TMEM132C: variants seen among roughly 807,000 people sequenced by gnomAD.
TMEM132C encodes the protein transmembrane protein 132C.
Under a neutral mutation model 61.4 loss-of-function variants are expected in TMEM132C, and 29 were observed. The ratio of observed to expected loss-of-function variants is 0.47; its 90% CI spans 0.35 to 0.64. The LOEUF (loss-of-function observed/expected upper bound fraction) is 0.64, where lower values mean the gene tolerates loss of function less well. Among genes scored for constraint, TMEM132C ranks in the 30% least tolerant of loss-of-function variants. The probability of loss-of-function intolerance (pLI) is 0.00; values close to 1 mark genes in which losing one functional copy is unlikely to be tolerated. For missense variants in TMEM132C, 1,408 were observed against 1,476.9 expected (o/e 0.95, Z 0.76); for synonymous variants, 656 against 633.1 (o/e 1.04, Z -0.54).
At chr12:128,704,767 C>T (rs1318130170) in intron 8 of TMEM132C, among the ~76,000 whole-genome samples, 7 of 152,170 alleles carry the variant, frequency 4.6e-5, no homozygotes, top group Admixed American at 4.6e-4. Flanking sequence ...TGAACATGCA[C>T]CGGCTGACTG....
chr12:128,414,974 C>G lies in TMEM132C; in HGVS notation c.328C>G (p.Leu110Val), dbSNP rs368120754. 5.2e-6 allele frequency: 8 copies of G among 1,551,842 alleles called. No homozygotes were observed. Among genetic ancestry groups the G allele is most frequent in the Non-Finnish European group, 7.0e-6 (8 of 1,147,122 alleles). ...GPFSVEKVVP[L>V]DLMLTSNFLG... ...CTTTTCTGTGGAGAAGGTTGTGCCT[C>G]TGGACTTGATGTTGACTTCAAACTT... Residue 110 changes from leucine to valine, a missense_variant, in exon 2 of 9, where the codon CTG (leucine) becomes GTG (valine). By Grantham distance (32) the Leu-to-Val change is conservative. Coordinates refer to ENST00000435159, the MANE Select transcript of TMEM132C (RefSeq NM_001136103.3).
At chr12:128,588,912 A>G (rs1875647993) in intron 3 of TMEM132C, among the ~76,000 whole-genome samples, 1 of 152,176 alleles carries the variant, frequency 6.6e-6, no homozygotes, top group African/African-American at 2.4e-5. Context: ...TAAGAAGAGA[A>G]AGTCAGGGAC....
At chr12:128,461,714 G>C (rs1246635134) in intron 2 of TMEM132C, among the ~76,000 whole-genome samples, 3 of 152,088 alleles carry the variant, frequency 2.0e-5, no homozygotes, top group Non-Finnish European at 4.4e-5. Context: ...GAAATTTTTT[G>C]AGTAATTCAT....
Position 128,406,576 on chromosome 12 carries a change from T to G in TMEM132C, c.86-8156T>G, listed in dbSNP as rs1203169307. On this transcript the variant is annotated intron_variant, in intron 1 of 8. Transcript: ENST00000435159. ...ATTAATAGAAGAGGTGAGGTGGATC[T>G]GGGAACCGAATGGAAATTAATTAGG... 3.9e-5 allele frequency among the ~76,000 whole-genome samples: 6 copies of G among 152,290 alleles called. No individual in the cohort carries two copies. The East Asian group carries it at 9.7e-4, about 25-fold the overall frequency.
intron 1 of TMEM132C, among the ~76,000 whole-genome samples, chr12:128,311,502 A>G (rs1436840987): frequency 3.3e-5 from 5 of 152,108 alleles, no homozygotes; most frequent in African/African-American, 1.2e-4. Flanking sequence ...TCTATTCTCT[A>G]CTTTTGTTGT....
intron 5 of TMEM132C, among the ~76,000 whole-genome samples, chr12:128,686,280 G>A (rs1168592634): frequency 6.6e-6 from 1 of 152,154 alleles, no homozygotes; most frequent in Non-Finnish European, 1.5e-5. Context: ...TACACGTGGT[G>A]GTTACCTTGG....
intron 3 of TMEM132C, among the ~76,000 whole-genome samples, chr12:128,547,806 G>T (rs2136152517): frequency 6.6e-6 from 1 of 152,258 alleles, no homozygotes; most frequent in Non-Finnish European, 1.5e-5. Context: ...GTCCAGAAAG[G>T]TGGTTCTGGA....
At chr12:128,612,573 G>A (rs1238892974) in intron 3 of TMEM132C, among the ~76,000 whole-genome samples, 1 of 152,200 alleles carries the variant, frequency 6.6e-6, no homozygotes, top group East Asian at 1.9e-4. Flanking sequence ...AGGTTCAAAA[G>A]TGTCTGCTCT....
chr12:128,506,224 G>T (rs1391396895), intron 2 of TMEM132C, among the ~76,000 whole-genome samples: 1 of 152,320 alleles, frequency 6.6e-6, no homozygotes, highest in Non-Finnish European at 1.5e-5. Context: ...AAGCAGTGGG[G>T]AATGGCTGGG....
chr12:128,451,415 T>G (rs1015115947), intron 2 of TMEM132C, among the ~76,000 whole-genome samples: 1 of 152,164 alleles, frequency 6.6e-6, no homozygotes, highest in Non-Finnish European at 1.5e-5. Flanking sequence ...AGAAAATTGA[T>G]CCTCTTCATC....
At chr12:128,329,807 C>G (rs990174178) in intron 1 of TMEM132C, among the ~76,000 whole-genome samples, 4 of 152,152 alleles carry the variant, frequency 2.6e-5, no homozygotes, top group Admixed American at 6.5e-5. Flanking sequence ...CTAAACATTA[C>G]TGAGAAGATA....
chr12:128,485,776 T>C (rs555686412), intron 2 of TMEM132C, among the ~76,000 whole-genome samples: 1 of 152,294 alleles, frequency 6.6e-6, no homozygotes, highest in African/African-American at 2.4e-5. Flanking sequence ...GTTAAGCGGA[T>C]TGCTCTTCCC....
intron 4 of TMEM132C, among the ~76,000 whole-genome samples, chr12:128,635,980 G>A (rs758882395): frequency 7.2e-5 from 11 of 152,128 alleles, no homozygotes; most frequent in Non-Finnish European, 1.5e-4. Flanking sequence ...GCCCAATCTC[G>A]GCTTTATTCC....
chr12:128,697,632 C>T (rs995036454), intron 8 of TMEM132C, among the ~76,000 whole-genome samples: 3 of 152,168 alleles, frequency 2.0e-5, no homozygotes, highest in Admixed American at 6.5e-5. Context: ...TCTTGGCTGC[C>T]GTTCTTACCC....
At chr12:128,386,123 A>G (rs1035847243) in intron 1 of TMEM132C, among the ~76,000 whole-genome samples, 6 of 152,178 alleles carry the variant, frequency 3.9e-5, no homozygotes, top group African/African-American at 1.2e-4. Context: ...ATGGGCAGAA[A>G]GTGCCTCCCC....
intron 1 of TMEM132C, among the ~76,000 whole-genome samples, chr12:128,399,040 A>G (rs1033583378): frequency 2.6e-5 from 4 of 152,184 alleles, no homozygotes; most frequent in African/African-American, 7.2e-5. Context: ...TGTTTACTCA[A>G]CCATCAGGAA....
chr12:128,656,259 C>T (rs199681259), intron 4 of TMEM132C, among the ~76,000 whole-genome samples: 1 of 152,148 alleles, frequency 6.6e-6, no homozygotes, highest in Non-Finnish European at 1.5e-5. Context: ...CCATGTTGGC[C>T]AGGCTGGTCT....
At chr12:128,377,711 A>G (rs1274071507) in intron 1 of TMEM132C, among the ~76,000 whole-genome samples, 3 of 152,204 alleles carry the variant, frequency 2.0e-5, no homozygotes, top group Non-Finnish European at 4.4e-5. Flanking sequence ...GCATGTTTGT[A>G]AACCATCCCC....
chr12:128,657,618 A>C (rs989726420), intron 4 of TMEM132C, among the ~76,000 whole-genome samples: 4 of 152,000 alleles, frequency 2.6e-5, no homozygotes, highest in African/African-American at 4.8e-5. Context: ...CAGTTCCCAC[A>C]CCTCAGTTTG....
Sources: allele counts gnomAD v4.1 joint callset (sites outside exome capture counted in the v4.1 genomes callset), GRCh38; gene constraint gnomAD v4.1.1; transcripts MANE v1.5; gene names NCBI Gene and HGNC (gene_info 2026-07-23, HGNC 2026-07-21).